TRIM5: variants seen among roughly 807,000 people sequenced by gnomAD.
TRIM5 encodes the protein tripartite motif-containing protein 5.
In TRIM5, 31 loss-of-function variants were observed where a neutral mutation model predicts 35.6. The observed-to-expected ratio is 0.87, with a 90% confidence interval of 0.65 to 1.18. The LOEUF (loss-of-function observed/expected upper bound fraction) is 1.18. TRIM5 is among the 50% of genes most tolerant of loss of function. The pLI is 0.00. For synonymous variants in TRIM5, 243 were observed against 215.6 expected, an observed-to-expected ratio of 1.13 and a Z score of -1.11; for missense variants, 609 against 591.6, an observed-to-expected ratio of 1.03 and a Z score of -0.31.
At chr11:5,618,227 G>A in the TRIM5 span, among the ~76,000 whole-genome samples, 1 of 152,034 alleles carries the variant, frequency 6.6e-6, no homozygotes, top group Non-Finnish European at 1.5e-5. Context: ...AAAATTAGCC[G>A]GGCATGGTGG....
chr11:5,619,306 A>G, the TRIM5 span, among the ~76,000 whole-genome samples: 1 of 152,230 alleles, frequency 6.6e-6, no homozygotes, highest in Non-Finnish European at 1.5e-5. Flanking sequence ...TCGTACAAGA[A>G]TACGCCTCCT....
At chr11:5,603,634 T>C in the TRIM5 span, 2 of 1,613,676 alleles carry the variant, frequency 1.2e-6, no homozygotes, top group Non-Finnish European at 1.7e-6. Context: ...GCAGCTCTTC[T>C]GTCAGGAGGA....
chr11:5,625,225 A>G, the TRIM5 span, among the ~76,000 whole-genome samples: 2 of 152,170 alleles, frequency 1.3e-5, no homozygotes, highest in East Asian at 3.9e-4. Context: ...ATAGCAGCCT[A>G]GAGTCTGGGG....
At chr11:5,618,849 T>C in the TRIM5 span, among the ~76,000 whole-genome samples, 1 of 152,126 alleles carries the variant, frequency 6.6e-6, no homozygotes, top group African/African-American at 2.4e-5. Context: ...GACACAAATC[T>C]CATTAAGGGC....
At chr11:5,616,102 C>T in the TRIM5 span, among the ~76,000 whole-genome samples, 13 of 150,544 alleles carry the variant, frequency 8.6e-5, no homozygotes, top group Non-Finnish European at 1.8e-4. Context: ...AGGCGCCCAC[C>T]ACCACGCCCG....
At chr11:5,669,566 T>C (rs1191231427) in intron 4 of TRIM5, among the ~76,000 whole-genome samples, 2 of 152,262 alleles carry the variant, frequency 1.3e-5, no homozygotes, top group African/African-American at 2.4e-5. Context: ...CAAATAGTTT[T>C]GCTTTTTGTA....
the TRIM5 span, chr11:5,641,429 T>A: frequency 9.6e-7 from 1 of 1,042,954 alleles, no homozygotes; most frequent in Non-Finnish European, 1.3e-6. Context: ...AAAAGGATAT[T>A]AAGGATGAGA....
intron 5 of TRIM5, 40 bp from the exon 6 acceptor site, chr11:5,666,121 G>A: frequency 6.6e-7 from 1 of 1,521,562 alleles, no homozygotes; most frequent in South Asian, 1.2e-5. Context: ...CCAAACCTTT[G>A]ACCTTGTGTC....
At chr11:5,619,410 G>C in the TRIM5 span, among the ~76,000 whole-genome samples, 6 of 152,160 alleles carry the variant, frequency 3.9e-5, no homozygotes, top group African/African-American at 1.4e-4. Context: ...TGGAGAGTAG[G>C]CCTTTGTTAT....
chr11:5,608,847 A>ATTTTTTTTT, the TRIM5 span, among the ~76,000 whole-genome samples: 2,971 of 101,690 alleles, frequency 0.029, 188 homozygotes, highest in South Asian at 0.044. Context: ...TTGCCCATAA[A>ATTTTTTTTT]TTTTTTTTTT....
downstream of TRIM5, among the ~76,000 whole-genome samples, chr11:5,662,745 GA>G (rs1850873030): frequency 6.6e-6 from 1 of 152,058 alleles, no homozygotes; most frequent in African/African-American, 2.4e-5. Flanking sequence ...TTCTTCAAAC[GA>G]AGGGAGAAAG....
At chr11:5,644,570 T>C in the TRIM5 span, among the ~76,000 whole-genome samples, 4 of 152,204 alleles carry the variant, frequency 2.6e-5, no homozygotes, top group African/African-American at 9.7e-5. Flanking sequence ...GTTTTTTTTC[T>C]TTTTTATTGT....
At chr11:5,643,621 C>T in the TRIM5 span, 1 of 1,614,012 alleles carries the variant, frequency 6.2e-7, no homozygotes, top group African/African-American at 1.3e-5. Context: ...TACAAGTTCT[C>T]TAAATGTTGC....
At chr11:5,608,501 G>T in the TRIM5 span, 1 of 1,522,028 alleles carries the variant, frequency 6.6e-7, no homozygotes, top group South Asian at 1.2e-5. Flanking sequence ...AGATTCAAGA[G>T]AGTAGTCTTG....
the TRIM5 span, among the ~76,000 whole-genome samples, chr11:5,657,688 TTATAA>T: frequency 1.6e-5 from 2 of 123,616 alleles, no homozygotes; most frequent in African/African-American, 3.1e-5. Flanking sequence ...ATATATATAT[TTATAA>T]TATAATATAT....
downstream of TRIM5, among the ~76,000 whole-genome samples, chr11:5,662,490 G>A (rs916176484): frequency 6.6e-6 from 1 of 152,076 alleles, no homozygotes; most frequent in Non-Finnish European, 1.5e-5. Context: ...TTCACTTATC[G>A]ATACCATTGT....
chr11:5,681,885 G>A (rs926348093), intron 1 of TRIM5, among the ~76,000 whole-genome samples: 16 of 114,868 alleles, frequency 1.4e-4, no homozygotes, highest in African/African-American at 6.4e-4. Context: ...CACAACCTCT[G>A]CCTCCCAGGT....
chr11:5,634,676 C>A, the TRIM5 span: 2 of 1,613,702 alleles, frequency 1.2e-6, no homozygotes, highest in South Asian at 2.2e-5. Context: ...AGAATTTGAT[C>A]AGCTTAGAAG....
the TRIM5 span, among the ~76,000 whole-genome samples, chr11:5,598,105 G>A: frequency 6.6e-6 from 1 of 152,130 alleles, no homozygotes; most frequent in East Asian, 1.9e-4. Flanking sequence ...ACTGGGCTCT[G>A]GGACTGCAGG....
Sources: allele counts gnomAD v4.1 joint callset (sites outside exome capture counted in the v4.1 genomes callset), GRCh38; gene constraint gnomAD v4.1.1; transcripts MANE v1.5; gene names NCBI Gene and HGNC (gene_info 2026-07-23, HGNC 2026-07-21).